Variants in KCNT2 observed in about 807,000 individuals in gnomAD.
The protein encoded by KCNT2 is potassium channel subfamily T member 2.
In KCNT2, 67 loss-of-function variants were observed where a neutral mutation model predicts 153.8. The ratio of observed to expected loss-of-function variants is 0.44; its 90% CI spans 0.36 to 0.53. The LOEUF is 0.53. KCNT2 is among the 20% of genes least tolerant of loss of function. The pLI, the probability that KCNT2 is intolerant of heterozygous loss-of-function variation, is 0.00. For synonymous variants in KCNT2, 500 were observed against 458.8 expected (o/e 1.09, Z -1.15); for missense variants, 975 against 1,354.8 (o/e 0.72, Z 4.40).
intron 25 of KCNT2, among the ~76,000 whole-genome samples, chr1:196,267,060 C>T (rs1408741329): frequency 3.3e-5 from 5 of 152,118 alleles, no homozygotes; most frequent in African/African-American, 1.2e-4. Context: ...CAAAAGAACT[C>T]AAAATTCTCT....
intron 1 of KCNT2, among the ~76,000 whole-genome samples, chr1:196,523,004 T>C (rs1653667702): frequency 6.6e-6 from 1 of 152,214 alleles, no homozygotes; most frequent in Non-Finnish European, 1.5e-5. Context: ...GCTGTGAAAG[T>C]TTTGTTCTTT....
At chr1:196,310,722 G>A (rs1468636568) in intron 21 of KCNT2, among the ~76,000 whole-genome samples, 1 of 151,586 alleles carries the variant, frequency 6.6e-6, no homozygotes, top group Non-Finnish European at 1.5e-5. Context: ...TATAGTTGTG[G>A]CAATACAGAA....
chr1:196,460,970 T>C (rs1379472808), intron 8 of KCNT2, among the ~76,000 whole-genome samples: 2 of 151,686 alleles, frequency 1.3e-5, no homozygotes, highest in African/African-American at 4.8e-5. Context: ...GTTAGTCAAT[T>C]GCCAGATCTT....
intron 25 of KCNT2, chr1:196,258,823 A>G (rs112478311): frequency 8.3e-6 from 2 of 240,896 alleles, no homozygotes; most frequent in African/African-American, 4.5e-5. Flanking sequence ...TGAAACATAC[A>G]AAACCAGACA....
chr1:196,605,614 A>G (rs180892600), intron 1 of KCNT2, among the ~76,000 whole-genome samples: 2 of 152,088 alleles, frequency 1.3e-5, no homozygotes, highest in Non-Finnish European at 1.5e-5. Flanking sequence ...TGATCTACCT[A>G]CTCCTACATG....
At chr1:196,394,598 A>G (rs760356450) in intron 13 of KCNT2, among the ~76,000 whole-genome samples, 11 of 151,606 alleles carry the variant, frequency 7.3e-5, no homozygotes, top group Non-Finnish European at 1.3e-4. Flanking sequence ...ATGCAGTTGA[A>G]GATTCAAAAC....
At chr1:196,401,365 T>A (rs1369267254) in intron 12 of KCNT2, among the ~76,000 whole-genome samples, 1 of 151,772 alleles carries the variant, frequency 6.6e-6, no homozygotes, top group Non-Finnish European at 1.5e-5. Flanking sequence ...AACAAAATGA[T>A]AACCAATAGA....
intron 25 of KCNT2, among the ~76,000 whole-genome samples, chr1:196,264,113 G>A (rs1449668416): frequency 6.6e-6 from 1 of 151,842 alleles, no homozygotes; most frequent in Admixed American, 6.6e-5. Flanking sequence ...GGTTTATAAG[G>A]CTTCAATTTC....
At chr1:196,519,107 A>ACAATAAAAAT (rs1653001380) in intron 1 of KCNT2, among the ~76,000 whole-genome samples, 1 of 152,126 alleles carries the variant, frequency 6.6e-6, no homozygotes, top group African/African-American at 2.4e-5. Context: ...AGAACACAGC[A>ACAATAAAAAT]CAATAAAAAT....
intron 22 of KCNT2, among the ~76,000 whole-genome samples, chr1:196,294,315 C>T (rs536902950): frequency 8.5e-5 from 13 of 152,172 alleles, no homozygotes; most frequent in African/African-American, 2.4e-4. Flanking sequence ...CTCGCTCTGT[C>T]GCCAGGCTAG....
In KCNT2 at chr1:196,561,465, G is replaced by A. The variant is rs147770830; in HGVS notation, c.95+46750C>T. ...TAAGATCAATAGGATCTGGTGGTGC[G>A]TTGGATATCACAATGAGAGGCATAA... On this transcript the variant is annotated intron_variant, in intron 1 of 27. Transcript: ENST00000294725. 5.3e-5 allele frequency among the ~76,000 whole-genome samples: 8 copies of A among 151,064 alleles called. No homozygotes were observed. In the East Asian group the frequency reaches 9.8e-4, roughly 19 times the overall value.
intron 12 of KCNT2, among the ~76,000 whole-genome samples, chr1:196,403,223 T>C (rs1671563577): frequency 6.6e-6 from 1 of 151,634 alleles, no homozygotes; most frequent in Non-Finnish European, 1.5e-5. Context: ...ATGGAATATT[T>C]GGCAATGCAA....
At chr1:196,579,930 T>C (rs1045264280) in intron 1 of KCNT2, among the ~76,000 whole-genome samples, 9 of 152,096 alleles carry the variant, frequency 5.9e-5, no homozygotes, top group Non-Finnish European at 1.0e-4. Context: ...GTCCTCTCAA[T>C]AGAAACATGG....
At chr1:196,551,405 T>C (rs1033459001) in intron 1 of KCNT2, among the ~76,000 whole-genome samples, 1 of 151,708 alleles carries the variant, frequency 6.6e-6, no homozygotes, top group Non-Finnish European at 1.5e-5. Context: ...CTGAGAGAAC[T>C]TTTGTAAAGG....
chr1:196,496,841 G>T (rs1188741559), intron 1 of KCNT2, among the ~76,000 whole-genome samples: 1 of 152,108 alleles, frequency 6.6e-6, no homozygotes. Context: ...TAACTTGCAC[G>T]TTTGGCATAT....
intron 8 of KCNT2, among the ~76,000 whole-genome samples, chr1:196,443,049 T>A (rs535653835): frequency 1.3e-5 from 2 of 151,726 alleles, no homozygotes; most frequent in Admixed American, 1.3e-4. Context: ...TTGCAGGGTG[T>A]TTAGGAGGTA....
At chr1:196,238,456 T>G (rs1327044276) in intron 26 of KCNT2, among the ~76,000 whole-genome samples, 1 of 151,998 alleles carries the variant, frequency 6.6e-6, no homozygotes, top group Non-Finnish European at 1.5e-5. Context: ...TATCAAGACG[T>G]AGAAAGCATC....
chr1:196,583,323 C>T (rs1558105096), intron 1 of KCNT2, among the ~76,000 whole-genome samples: 1 of 151,828 alleles, frequency 6.6e-6, no homozygotes, highest in Non-Finnish European at 1.5e-5. Flanking sequence ...TATTTAAACA[C>T]AAAAAATACC....
intron 21 of KCNT2, among the ~76,000 whole-genome samples, chr1:196,315,440 G>A (rs1240224088): frequency 6.6e-6 from 1 of 151,596 alleles, no homozygotes; most frequent in Non-Finnish European, 1.5e-5. Flanking sequence ...ATAAAAGACA[G>A]GAAAACAGTG....
Sources: allele counts gnomAD v4.1 joint callset (sites outside exome capture counted in the v4.1 genomes callset), GRCh38; gene constraint gnomAD v4.1.1; transcripts MANE v1.5; gene names NCBI Gene and HGNC (gene_info 2026-07-23, HGNC 2026-07-21).